The following DNAH10 variants were observed in gnomAD, a reference collection of about 807,000 sequenced individuals.
DNAH10 encodes dynein axonemal heavy chain 10, also known as axonemal beta dynein heavy chain 10.
DNAH10 carries 348 observed loss-of-function variants against 506.6 expected under a neutral mutation model. The observed-to-expected ratio is 0.69, with a 90% confidence interval of 0.63 to 0.75. The LOEUF (loss-of-function observed/expected upper bound fraction) is 0.75, where lower values mean the gene tolerates loss of function less well. DNAH10 is among the 30% of genes least tolerant of loss of function. The probability of loss-of-function intolerance (pLI) is 0.00; values close to 1 mark genes in which losing one functional copy is unlikely to be tolerated. For synonymous variants in DNAH10, 2,059 were observed against 2,198.6 expected (o/e 0.94, Z 1.78); for missense variants, 5,179 against 5,787.1 (o/e 0.89, Z 3.41).
intron 11 of DNAH10, among the ~76,000 whole-genome samples, chr12:123,791,703 A>C (rs1419852280): frequency 6.6e-6 from 1 of 152,050 alleles, no homozygotes; most frequent in East Asian, 1.9e-4. Context: ...CAGCCTACCG[A>C]GTAGTTGGGA....
chr12:123,867,277 A>G (rs1346794940), intron 41 of DNAH10, among the ~76,000 whole-genome samples, 190 bp from the exon 42 acceptor site: 1 of 152,178 alleles, frequency 6.6e-6, no homozygotes, highest in Non-Finnish European at 1.5e-5. Flanking sequence ...TCATGATGAG[A>G]TGAAAGCATA....
At position 123,879,761 on chromosome 12, in the gene DNAH10, A is replaced by T. The variant is rs1952420736; in HGVS notation, c.8594A>T (p.Glu2865Val). 6.2e-7 allele frequency: 1 copy of T among 1,613,942 alleles called. No homozygotes were observed. Reference protein sequence around the residue: ...ALHEGEPRIYEDIQDYEAAKA... With the variant: ...ALHEGEPRIYVDIQDYEAAKA... ...CACGAAGGAGAACCACGCATTTATG[A>T]AGACATCCAGGACTACGAGGCGGCC... Residue 2865 changes from glutamate to valine, a missense_variant, in exon 50 of 79, where the codon GAA becomes GTA. Around this residue, in one of 3 missense-constraint regions of DNAH10, gnomAD observed 4,844 missense variants for 5,430.5 expected, o/e 0.89. Transcript: ENST00000673944.
intron 10 of DNAH10, among the ~76,000 whole-genome samples, chr12:123,788,818 C>A (rs772024608): frequency 6.9e-6 from 1 of 145,176 alleles, no homozygotes; most frequent in African/African-American, 2.6e-5. Context: ...CCCAGCCACT[C>A]AGAAGGCTGA....
intron 14 of DNAH10, 22 bp from the exon 15 acceptor site, chr12:123,800,194 T>G (rs780112208): frequency 6.2e-7 from 1 of 1,611,262 alleles, no homozygotes; most frequent in East Asian, 2.2e-5. Context: ...CTGGCCGCGC[T>G]GATGGAATGT....
In DNAH10 at chr12:123,853,065, A is replaced by T; in HGVS notation, c.6292-141A>T. On this transcript the variant is annotated intron_variant, in intron 35 of 78. Coordinates refer to ENST00000673944, the MANE Select transcript of DNAH10 (RefSeq NM_001372106.1). This position sits in a 1 kb window ranked among gnomAD's most constrained non-coding sequence, Gnocchi z 4.7. ...ACCCACCCTGGTATTTCTGGAAGTT[A>T]GAGATGGAATTTGCTTATTTGTAGA... 1 of 848,092 alleles carries T rather than the reference A, an allele frequency of 1.2e-6. No individual in the cohort carries two copies. The highest frequency in any genetic ancestry group is 1.7e-6 in the Non-Finnish European group (1 of 590,762). The allele number at this position is 848,092 out of a possible 1,614,324, so 52.5% of individuals were successfully genotyped here. A position where few individuals can be genotyped will look rare whatever the true frequency, so the allele number is the denominator to read the frequency against.
rs751927990 is a variant in DNAH10, at chr12:123,925,027, T to C, written c.11767-23T>C. 6.2e-7 allele frequency: 1 copy of C among 1,612,854 alleles called. No individual in the cohort carries two copies. The highest frequency in any genetic ancestry group is 8.5e-7 in the Non-Finnish European group (1 of 1,179,062). Reference sequence around the variant, plus strand: ...ATGTCATTTCTGAGTTGACGCACAATGAATATTCTTTGCTTTTCCCAGTGG... The same window carrying C: ...ATGTCATTTCTGAGTTGACGCACAACGAATATTCTTTGCTTTTCCCAGTGG... On this transcript the variant is annotated intron_variant, in intron 67 of 78. Transcript: ENST00000673944. The surrounding 1 kb of genome is among the most constrained non-coding windows in gnomAD (Gnocchi z 4.0).
At chr12:123,924,810 A>C (rs1214928503) in intron 67 of DNAH10, among the ~76,000 whole-genome samples, 1 of 152,222 alleles carries the variant, frequency 6.6e-6, no homozygotes, top group Non-Finnish European at 1.5e-5. Flanking sequence ...GTTGTTGGGC[A>C]TCTGCCATGT....
Position 123,931,357 on chromosome 12 carries a change from C to T in DNAH10, c.12801C>T (p.Leu4267=), listed in dbSNP as rs1405321701. The change falls in exon 74 of 79, where the codon CTC becomes CTT. Residue 4267 remains leucine (L), a synonymous_variant. Coordinates refer to ENST00000673944, the MANE Select transcript of DNAH10 (RefSeq NM_001372106.1). ...TGATTGCAGAAGCCATCGAGGCCCT[C>T]CCGCTTGCCAACACGCCAGAAGTGT... is the stretch of plus-strand genomic sequence containing the variant. The part of the protein sequence containing the change: ...KEKFVEAIEA[L]PLANTPEVFG... 2.5e-6 allele frequency: 4 copies of T among 1,613,686 alleles called. No homozygotes were observed. Among genetic ancestry groups the T allele is most frequent in the Non-Finnish European group, 3.4e-6 (4 of 1,179,898 alleles).
intron 54 of DNAH10, among the ~76,000 whole-genome samples, chr12:123,896,347 G>A (rs536486929): frequency 5.3e-4 from 81 of 152,264 alleles, no homozygotes; most frequent in African/African-American, 1.8e-3. Context: ...GGATTAATCG[G>A]TACTTTCAAT....
chr12:123,860,832 T>TTCA lies in DNAH10; in HGVS notation c.6750-180_6750-179insTCA, dbSNP rs375193091. On this transcript the variant is annotated intron_variant, in intron 38 of 78. Transcript: ENST00000673944. Reference sequence around the variant, plus strand: ...GGCCACATTTTTGGTGAAATGTGGTTGCTTTATATTTAGAAGAAAGCACTA... The same window carrying TTCA: ...GGCCACATTTTTGGTGAAATGTGGTTTCAGCTTTATATTTAGAAGAAAGCACTA... Among the ~76,000 whole-genome samples the TTCA allele has an allele frequency of 9.8e-4, 150 of 152,362 alleles. 1 individual carries two copies. The highest frequency in any genetic ancestry group is 3.5e-3 in the African/African-American group (145 of 41,580).
intron 13 of DNAH10, among the ~76,000 whole-genome samples, chr12:123,798,527 C>T (rs1958362809): frequency 1.3e-5 from 2 of 152,118 alleles, no homozygotes; most frequent in Non-Finnish European, 2.9e-5. Context: ...ATCCAGTTGC[C>T]TCCCAGCAGG....
intron 24 of DNAH10, among the ~76,000 whole-genome samples, chr12:123,824,805 C>A (rs1220980500): frequency 6.6e-6 from 1 of 152,078 alleles, no homozygotes; most frequent in South Asian, 2.1e-4. Flanking sequence ...CTTATACGGA[C>A]ACCAGTCACT....
chr12:123,859,181 T>C lies in DNAH10; in HGVS notation c.6662T>C (p.Met2221Thr), dbSNP rs768285366. 5 of 1,611,878 alleles carry C rather than the reference T, an allele frequency of 3.1e-6. No individual in the cohort carries two copies. The highest frequency in any genetic ancestry group is 4.2e-6 in the Non-Finnish European group (5 of 1,179,252). The change falls in exon 38 of 79, where the codon ATG becomes ACG. Residue 2221 changes from methionine to threonine, a missense_variant. Physicochemically the swap from Met to Thr is moderately conservative, Grantham distance 81. This residue lies in a region of DNAH10 where 4,844 missense variants were observed against 5,430.5 expected (regional missense o/e 0.89). Coordinates refer to ENST00000673944, the MANE Select transcript of DNAH10 (RefSeq NM_001372106.1). Reference sequence around the variant, plus strand: ...AAAGTGGTTCAAATGTTCGAGACCATGTTAACCCGCCACACGACGATGGTG... The same window carrying C: ...AAAGTGGTTCAAATGTTCGAGACCACGTTAACCCGCCACACGACGATGGTG... Reference protein sequence around the residue: ...VDKVVQMFETMLTRHTTMVVG... With the variant: ...VDKVVQMFETTLTRHTTMVVG...
At chr12:123,771,556 C>G in intron 2 of DNAH10, 45 bp from the exon 3 acceptor site, 2 of 1,554,312 alleles carry the variant, frequency 1.3e-6, no homozygotes, top group Non-Finnish European at 1.8e-6. Flanking sequence ...GGTAGGAAAC[C>G]TAATTTTCTG....
Position 123,918,812 on chromosome 12 carries a change from A to G in DNAH10, c.11369A>G (p.Tyr3790Cys), listed in dbSNP as rs1338572564. ...GAGATGGCCCTGGTGAACTCCATGT[A>G]CCAGTACTCCCTGATTGCCTTCTTA... Reference protein sequence around the residue: ...LSEMALVNSMYQYSLIAFLEV... With the variant: ...LSEMALVNSMCQYSLIAFLEV... Residue 3790 changes from tyrosine to cysteine, a missense_variant, in exon 65 of 79, where the codon TAC (tyrosine) becomes TGC (cysteine). By Grantham distance (194) the Tyr-to-Cys change is radical. This residue lies in a region of DNAH10 where 4,844 missense variants were observed against 5,430.5 expected (regional missense o/e 0.89). Coordinates refer to ENST00000673944, the MANE Select transcript of DNAH10 (RefSeq NM_001372106.1). 2.5e-6 allele frequency: 4 copies of G among 1,613,974 alleles called. No individual in the cohort carries two copies. The South Asian group carries it at 4.4e-5, about 18-fold the overall frequency.
intron 40 of DNAH10, among the ~76,000 whole-genome samples, chr12:123,865,421 C>A (rs1951767270): frequency 6.6e-6 from 1 of 152,068 alleles, no homozygotes; most frequent in Admixed American, 6.6e-5. Context: ...GTATTAATGC[C>A]ATTTCTAACT....
rs1029827909 is a variant in DNAH10 at position 123,926,329 on chromosome 12, G to T, written c.11922-308G>T. ...GTGGACCATTCAGGACACGCCTGTG[G>T]AACCTCAGGGTTTTGTGCCATGGGC... On this transcript the variant is annotated intron_variant, in intron 68 of 78. Coordinates refer to ENST00000673944, the MANE Select transcript of DNAH10 (RefSeq NM_001372106.1). This position sits in a 1 kb window ranked among gnomAD's most constrained non-coding sequence, Gnocchi z 4.1. 2.8e-6 allele frequency: 1 copy of T among 359,112 alleles called. No individual in the cohort carries two copies. The highest frequency in any genetic ancestry group is 2.1e-5 in the African/African-American group (1 of 47,500). 22.2% of individuals were successfully genotyped at this position (359,112 alleles called of 1,614,324 possible). A position where few individuals can be genotyped will look rare whatever the true frequency, so the allele number is the denominator to read the frequency against.
At chr12:123,908,253 CCTCCCTGT>C (rs1313753912) in intron 57 of DNAH10, 2 of 441,374 alleles carry the variant, frequency 4.5e-6, no homozygotes, top group Non-Finnish European at 9.2e-6. Flanking sequence ...CTCTCTGTCT[CCTCCCTGT>C]CTCCCTGTCT....
chr12:123,839,071 C>G (rs1950673133), intron 29 of DNAH10, among the ~76,000 whole-genome samples: 1 of 152,148 alleles, frequency 6.6e-6, no homozygotes, highest in Non-Finnish European at 1.5e-5. Context: ...ACCTCGGCCT[C>G]CCAAAGTGGG....
Sources: allele counts gnomAD v4.1 joint callset (sites outside exome capture counted in the v4.1 genomes callset), GRCh38; gene constraint gnomAD v4.1.1; regional missense constraint gnomAD v4.1.1; non-coding constraint Gnocchi (gnomAD v3.1); transcripts MANE v1.5; gene names NCBI Gene and HGNC (gene_info 2026-07-23, HGNC 2026-07-21).